The following PTPDC1 variants were observed in gnomAD, a reference collection of about 807,000 sequenced individuals.
The protein encoded by PTPDC1 is protein tyrosine phosphatase domain containing 1.
PTPDC1 carries 53 observed loss-of-function variants against 75.3 expected under a neutral mutation model. The observed-to-expected ratio is 0.70, with a 90% CI of 0.56 to 0.88. PTPDC1 has a LOEUF of 0.88. PTPDC1 is among the 40% of genes least tolerant of loss of function. The pLI is 0.00. For missense variants in PTPDC1, 925 were observed against 998.6 expected (o/e 0.93, Z 0.99); for synonymous variants, 349 against 366.2 (o/e 0.95, Z 0.54).
intron 1 of PTPDC1, among the ~76,000 whole-genome samples, chr9:94,054,419 TATTA>T (rs5899205): frequency 0.076 from 11,501 of 152,176 alleles, 574 homozygotes; most frequent in East Asian, 0.14. Flanking sequence ...GTCTCAGAGA[TATTA>T]ATAAATGTGC....
At chr9:94,079,485 G>A (rs1343956709), upstream of PTPDC1, among the ~76,000 whole-genome samples, 2 of 152,116 alleles carry the variant, frequency 1.3e-5, no homozygotes, top group African/African-American at 4.8e-5. Context: ...TGTTTTTGAG[G>A]TCAGTCTTGA....
rs1828122494 is a variant in PTPDC1 at position 94,109,317 on chromosome 9, A to T, written c.*1373A>T. 6.6e-6 allele frequency: 1 copy of T among 152,240 alleles called. No homozygotes were observed. The highest frequency in any genetic ancestry group is 2.4e-5 in the African/African-American group (1 of 41,470). The allele number at this position is 152,240 out of a possible 1,614,324, so 9.4% of individuals were successfully genotyped here. On this transcript the variant is annotated 3_prime_UTR_variant, in exon 9 of 9. Transcript: ENST00000620992. Reference sequence around the variant, plus strand: ...AAGACGGAATTTCAGGGGAAGCAAGACTCATTTAGAACAAATGAAATTTCT... The same window carrying T: ...AAGACGGAATTTCAGGGGAAGCAAGTCTCATTTAGAACAAATGAAATTTCT...
chr9:94,044,399 CCCATCACCCAGGTATTAAG>C (rs1342668273), intron 1 of PTPDC1, among the ~76,000 whole-genome samples: 1 of 152,154 alleles, frequency 6.6e-6, no homozygotes, highest in Admixed American at 6.6e-5. Flanking sequence ...CACAGATCAA[CCCATCACCCAGGTATTAAG>C]CCCAGCATTA....
At position 94,045,547 on chromosome 9, in the gene PTPDC1, G is replaced by A. The variant is rs1262386296; in HGVS notation, c.-7+14420G>A. 4.6e-5 allele frequency among the ~76,000 whole-genome samples: 7 copies of A among 152,226 alleles called. No individual in the cohort carries two copies. In the South Asian group the frequency reaches 1.2e-3, roughly 27 times the overall value. On this transcript the variant is annotated intron_variant, in intron 1 of 9. Transcript: ENST00000375360. ...TAATGATCGCCATTCTAACTGGTGTGAGATGGTATCTCATTGTGGTTTTGA... is the reference window on the plus strand; with the variant it reads ...TAATGATCGCCATTCTAACTGGTGTAAGATGGTATCTCATTGTGGTTTTGA...
chr9:94,097,654 A>T lies in PTPDC1; in HGVS notation c.1088A>T (p.Asp363Val). The T allele has an allele frequency of 6.2e-7, 1 of 1,614,162 alleles. No homozygotes were observed. The change falls in exon 6 of 9, where the codon GAT (aspartate) becomes GTT (valine). Residue 363 changes from aspartate to valine, a missense_variant. Transcript: ENST00000620992. ...LAENRPVMMK[D>V]VSEGPGLSAE... ...GAGAACAGGCCAGTGATGATGAAGG[A>T]TGTGTCCGAAGGACCTGGTCTCTCT...
intron 1 of PTPDC1, among the ~76,000 whole-genome samples, chr9:94,048,221 C>T (rs527431537): frequency 2.0e-4 from 30 of 152,242 alleles, no homozygotes; most frequent in African/African-American, 7.2e-4. Context: ...CTGCTCTGAT[C>T]TTAGTTATTT....
chr9:94,091,330 A>G (rs190502709), intron 4 of PTPDC1, among the ~76,000 whole-genome samples: 9 of 152,274 alleles, frequency 5.9e-5, no homozygotes, highest in East Asian at 3.9e-4. Flanking sequence ...TTCTGCATCT[A>G]TTGAGATAAT....
At chr9:94,077,539 A>G (rs1826735551) in intron 2 of PTPDC1, among the ~76,000 whole-genome samples, 1 of 152,214 alleles carries the variant, frequency 6.6e-6, no homozygotes, top group South Asian at 2.1e-4. Flanking sequence ...TTACCAATTT[A>G]TTATAAAGGC....
At chr9:94,084,041 T>A (rs115741681), upstream of PTPDC1, among the ~76,000 whole-genome samples, 368 of 152,340 alleles carry the variant, frequency 2.4e-3, 2 homozygotes, top group African/African-American at 8.6e-3. Context: ...CCCACTTTAT[T>A]ACAATTAACT....
chr9:94,069,460 A>G (rs1826434333), intron 2 of PTPDC1, among the ~76,000 whole-genome samples: 1 of 150,820 alleles, frequency 6.6e-6, no homozygotes, highest in South Asian at 2.1e-4. Flanking sequence ...TCAACTGTAT[A>G]TTTATTTCTG....
chr9:94,047,276 T>C (rs1825634592), intron 1 of PTPDC1, among the ~76,000 whole-genome samples: 1 of 152,214 alleles, frequency 6.6e-6, no homozygotes, highest in African/African-American at 2.4e-5. Context: ...TTTACATCAA[T>C]GTTCATCAAG....
At chr9:94,066,042 G>A (rs1265665783) in intron 2 of PTPDC1, among the ~76,000 whole-genome samples, 11 of 152,030 alleles carry the variant, frequency 7.2e-5, no homozygotes, top group South Asian at 2.1e-4. Context: ...TTGGCTTTGC[G>A]GGTGGGACAA....
At chr9:94,060,158 G>A (rs1826083023) in intron 1 of PTPDC1, among the ~76,000 whole-genome samples, 1 of 152,162 alleles carries the variant, frequency 6.6e-6, no homozygotes, top group South Asian at 2.1e-4. Flanking sequence ...AGAAGTGAGG[G>A]GAGCATGATC....
intron 1 of PTPDC1, among the ~76,000 whole-genome samples, chr9:94,063,623 T>C (rs1257306281): frequency 1.3e-5 from 2 of 152,222 alleles, no homozygotes; most frequent in Non-Finnish European, 2.9e-5. Flanking sequence ...AGATTTTAAA[T>C]TTTGTACTTT....
intron 4 of PTPDC1, among the ~76,000 whole-genome samples, chr9:94,089,071 AT>A (rs1008684658): frequency 4.1e-4 from 59 of 142,208 alleles, no homozygotes; most frequent in East Asian, 1.1e-3. Flanking sequence ...TTTTTATTTT[AT>A]TTTTTTTTAA....
At chr9:94,085,498 G>A in intron 2 of PTPDC1, 76 bp downstream of exon 2, 1 of 1,514,294 alleles carries the variant, frequency 6.6e-7, no homozygotes, top group South Asian at 1.2e-5. Flanking sequence ...GAGCCCTGAA[G>A]TGTGGGAGGA....
In PTPDC1 at chr9:94,085,305, A is replaced by G. The variant is rs763950968; in HGVS notation, c.299A>G (p.His100Arg). 16 of 1,614,086 alleles carry G rather than the reference A, an allele frequency of 9.9e-6. No homozygotes were observed. The highest frequency in any genetic ancestry group is 8.8e-5 in the South Asian group (8 of 91,086). ...KYTKVGERLRHVIPGHMACSM... is the reference protein window; with the variant it reads ...KYTKVGERLRRVIPGHMACSM... ...ACAAAAGTAGGGGAGCGTTTACGGC[A>G]TGTCATTCCTGGACACATGGCATGT... Residue 100 changes from histidine (H) to arginine (R), a missense_variant, in exon 2 of 9, where the codon CAT becomes CGT. By Grantham distance (29) the His-to-Arg change is conservative. Transcript: ENST00000620992.
intron 1 of PTPDC1, among the ~76,000 whole-genome samples, chr9:94,044,457 C>G (rs537661519): frequency 6.6e-6 from 1 of 152,144 alleles, no homozygotes; most frequent in African/African-American, 2.4e-5. Context: ...CTTCCTCCCC[C>G]GACCCCCCAA....
chr9:94,101,804 C>A, intron 7 of PTPDC1, 53 bp downstream of exon 7: 1 of 993,666 alleles, frequency 1.0e-6, no homozygotes, highest in Non-Finnish European at 1.4e-6. Flanking sequence ...CTTAGTTTTT[C>A]ACGCAGAAAA....
Sources: gnomAD v4.1 joint callset for allele counts (sites outside exome capture counted in the v4.1 genomes callset) on GRCh38, gnomAD v4.1.1 for gene constraint, MANE v1.5 for transcripts, NCBI Gene and HGNC (gene_info 2026-07-23, HGNC 2026-07-21) for gene names.